Variants in DUSP29 observed in about 807,000 individuals in gnomAD.
The protein encoded by DUSP29 is atypical dual-specific protein phosphatase.
DUSP29 carries 12 observed loss-of-function variants against 13.5 expected under a neutral mutation model. That is an observed-to-expected ratio of 0.89 (90% CI 0.57 to 1.44). The LOEUF is 1.44. Among genes scored for constraint, DUSP29 ranks in the 40% most tolerant of loss-of-function variants. DUSP29 has a pLI of 0.00. For synonymous variants in DUSP29, 134 were observed against 128.7 expected, an observed-to-expected ratio of 1.04 and a Z score of -0.28; for missense variants, 308 against 301.1, an observed-to-expected ratio of 1.02 and a Z score of -0.17.
chr10:75,063,635 C>T (rs951988363), intron 1 of DUSP29, among the ~76,000 whole-genome samples: 1 of 151,894 alleles, frequency 6.6e-6, no homozygotes. Context: ...GGACTCTGCT[C>T]GCTTACACAT....
At chr10:75,041,446 A>T (rs1363446308) in intron 3 of DUSP29, among the ~76,000 whole-genome samples, 2 of 152,200 alleles carry the variant, frequency 1.3e-5, no homozygotes, top group African/African-American at 2.4e-5. Context: ...CTCACAAGAC[A>T]AGCATTAGCT....
chr10:75,062,378 C>T (rs1401234012), intron 1 of DUSP29, among the ~76,000 whole-genome samples: 1 of 152,224 alleles, frequency 6.6e-6, no homozygotes, highest in East Asian at 1.9e-4. Context: ...CCTCCGTCTG[C>T]CTCCTTTGAT....
intron 2 of DUSP29, 66 bp from the exon 3 acceptor site, chr10:75,044,083 GCCAC>G (rs1846652436): frequency 1.1e-5 from 16 of 1,456,414 alleles, no homozygotes; most frequent in Admixed American, 2.0e-5. Flanking sequence ...AAACTCAGGG[GCCAC>G]CCACGCTTTC....
At chr10:75,048,759 G>A (rs1022370346) in intron 2 of DUSP29, among the ~76,000 whole-genome samples, 1 of 152,192 alleles carries the variant, frequency 6.6e-6, no homozygotes, top group Non-Finnish European at 1.5e-5. Flanking sequence ...ATCTCGGTTA[G>A]TTCACCTGAT....
intron 2 of DUSP29, among the ~76,000 whole-genome samples, chr10:75,051,311 A>G (rs1846823333): frequency 6.6e-6 from 1 of 152,218 alleles, no homozygotes; most frequent in African/African-American, 2.4e-5. Context: ...GTCATAGTTC[A>G]AACTTGATGA....
In DUSP29 at chr10:75,062,525, C is replaced by T. The variant is rs537785122; in HGVS notation, c.-34-3977G>A. Among the ~76,000 whole-genome samples the T allele has an allele frequency of 2.4e-4, 36 of 152,322 alleles. 1 individual carries two copies. In the South Asian group the frequency reaches 7.0e-3, roughly 30 times the overall value. ...AAGGAGGAAGTGGTGCGGTCTACCC[C>T]GAGGAGCTTGGCACGCAGAGTGAGC... is the stretch of plus-strand genomic sequence containing the variant. On this transcript the variant is annotated intron_variant, in intron 1 of 3. Coordinates refer to ENST00000338487, the MANE Select transcript of DUSP29 (RefSeq NM_001003892.3).
At chr10:75,068,414 C>T (rs1387854895) in intron 1 of DUSP29, among the ~76,000 whole-genome samples, 1 of 152,172 alleles carries the variant, frequency 6.6e-6, no homozygotes, top group African/African-American at 2.4e-5. Flanking sequence ...GAGTTTGAGG[C>T]TGCAGCGAGC....
chr10:75,048,255 G>T (rs1167207499), intron 2 of DUSP29, among the ~76,000 whole-genome samples: 1 of 151,362 alleles, frequency 6.6e-6, no homozygotes, highest in African/African-American at 2.4e-5. Context: ...AAAAATTAAT[G>T]GTGTCTTGTT....
rs200759625 is a variant in DUSP29 at position 75,043,880 on chromosome 10, G to T, written c.338C>A (p.Ala113Asp). 6.2e-7 allele frequency: 1 copy of T among 1,614,064 alleles called. No individual in the cohort carries two copies. Among genetic ancestry groups the T allele is most frequent in the Non-Finnish European group, 8.5e-7 (1 of 1,179,952 alleles). Residue 113 changes from alanine to aspartate, a missense_variant, in exon 3 of 4, where the codon GCC (alanine) becomes GAC (aspartate). Coordinates refer to ENST00000338487, the MANE Select transcript of DUSP29 (RefSeq NM_001003892.3). ...GAGGTCGAAGGTGGGCAGGTCGTCG[G>T]CCTCCACGCCGTGGTACTGGATGTC... ...DMDIQYHGVE[A>D]DDLPTFDLSV...
chr10:75,061,790 G>A (rs1217930907), intron 1 of DUSP29, among the ~76,000 whole-genome samples: 1 of 152,190 alleles, frequency 6.6e-6, no homozygotes, highest in African/African-American at 2.4e-5. Context: ...TTGGTGTCTG[G>A]CACGTAAGAG....
rs141531752 is a variant in DUSP29 at position 75,063,143 on chromosome 10, G to A, written c.-34-4595C>T. On this transcript the variant is annotated intron_variant, in intron 1 of 3. Coordinates refer to ENST00000338487, the MANE Select transcript of DUSP29 (RefSeq NM_001003892.3). ...AGTGGTGGGGAGTGTGGCACATCAG[G>A]GAGCATATGCCTCCATTAAGGGGGC... 1.9e-3 allele frequency among the ~76,000 whole-genome samples: 282 copies of A among 152,306 alleles called. 1 individual carries two copies. Among genetic ancestry groups the A allele is most frequent in the Middle Eastern group, 6.8e-3 (2 of 294 alleles).
At chr10:75,050,662 C>T (rs763297210) in intron 2 of DUSP29, among the ~76,000 whole-genome samples, 20 of 152,380 alleles carry the variant, frequency 1.3e-4, no homozygotes, top group East Asian at 1.9e-4. Context: ...GACGCTGTGC[C>T]GAGTCATGCC....
chr10:75,038,701 G>A (rs1316731912), intron 3 of DUSP29, among the ~76,000 whole-genome samples: 1 of 136,620 alleles, frequency 7.3e-6, no homozygotes, highest in Non-Finnish European at 1.6e-5. Context: ...GAAAGAGTTG[G>A]AAGGGAGATG....
At chr10:75,055,230 T>G (rs1435009254) in intron 2 of DUSP29, among the ~76,000 whole-genome samples, 2 of 152,314 alleles carry the variant, frequency 1.3e-5, no homozygotes, top group East Asian at 1.9e-4. Flanking sequence ...CTTTTTTTTT[T>G]TGCTACTTCA....
intron 3 of DUSP29, among the ~76,000 whole-genome samples, chr10:75,043,455 T>C (rs914201749): frequency 2.0e-5 from 3 of 152,192 alleles, no homozygotes; most frequent in African/African-American, 7.2e-5. Context: ...CTTTTATTCT[T>C]ACGCCCTATT....
At chr10:75,052,840 T>C (rs562713835) in intron 2 of DUSP29, among the ~76,000 whole-genome samples, 7 of 152,236 alleles carry the variant, frequency 4.6e-5, no homozygotes, top group Non-Finnish European at 1.0e-4. Flanking sequence ...GCATTATTGT[T>C]AGAACGTTTG....
intron 2 of DUSP29, 91 bp from the exon 3 acceptor site, chr10:75,044,108 TC>T: frequency 7.9e-7 from 1 of 1,262,330 alleles, no homozygotes; most frequent in Non-Finnish European, 1.1e-6. Flanking sequence ...CGCTGTGGAT[TC>T]CAGTTCCAGA....
chr10:75,039,589 G>A (rs1390389801), intron 3 of DUSP29, among the ~76,000 whole-genome samples: 1 of 152,164 alleles, frequency 6.6e-6, no homozygotes, highest in African/African-American at 2.4e-5. Flanking sequence ...TGGAAGGTAG[G>A]CCTCTGTCAC....
chr10:75,059,881 A>G (rs1453097459), intron 1 of DUSP29, among the ~76,000 whole-genome samples: 2 of 152,318 alleles, frequency 1.3e-5, no homozygotes, highest in African/African-American at 4.8e-5. Context: ...ACTGAAGGCC[A>G]GGCGCGGTGG....
Sources: gnomAD v4.1 joint callset for allele counts (sites outside exome capture counted in the v4.1 genomes callset) on GRCh38, gnomAD v4.1.1 for gene constraint, MANE v1.5 for transcripts, NCBI Gene and HGNC (gene_info 2026-07-23, HGNC 2026-07-21) for gene names.